The following HDAC9 variants were observed in gnomAD, a reference collection of about 807,000 sequenced individuals.
HDAC9 encodes MEF-2 interacting transcription repressor (MITR) protein.
A neutral mutation model predicts 139.4 loss-of-function variants in HDAC9; 41 were observed. The ratio of observed to expected loss-of-function variants is 0.29; its 90% confidence interval spans 0.23 to 0.38. The LOEUF is 0.38. Among genes scored for constraint, HDAC9 ranks in the 10% least tolerant of loss-of-function variants. The pLI is 1.00. For synonymous variants in HDAC9, 517 were observed against 476.2 expected (o/e 1.09, Z -1.12); for missense variants, 1,147 against 1,297.0 (o/e 0.88, Z 1.78).
chr7:18,127,552 T>A (rs1026695100), intron 1 of HDAC9, among the ~76,000 whole-genome samples: 22 of 152,138 alleles, frequency 1.4e-4, no homozygotes, highest in African/African-American at 5.3e-4. Flanking sequence ...GGGGACCTTA[T>A]TCTCTCTGGT....
rs140905418 is a variant in HDAC9, at chr7:18,641,678, G to T, written c.913-2993G>T. Among the ~76,000 whole-genome samples, 177 of 152,148 alleles carry T rather than the reference G, an allele frequency of 1.2e-3. 2 individuals carry two copies. The highest frequency in any genetic ancestry group is 4.2e-3 in the African/African-American group (174 of 41,542). On this transcript the variant is annotated intron_variant, in intron 8 of 25. Transcript: ENST00000686413. ...ATCATAGCAAAGCACTGATTTAAGGGCTGGGCCAGATTCAAAACTTCTTCT... is the reference window on the plus strand; with the variant it reads ...ATCATAGCAAAGCACTGATTTAAGGTCTGGGCCAGATTCAAAACTTCTTCT...
intron 8 of HDAC9, among the ~76,000 whole-genome samples, chr7:18,640,752 A>T (rs548196406): frequency 1.3e-5 from 2 of 152,150 alleles, no homozygotes; most frequent in South Asian, 4.1e-4. Context: ...TTACATCCAG[A>T]CACCATGTCT....
intron 1 of HDAC9, among the ~76,000 whole-genome samples, chr7:18,398,776 C>G (rs868568964): frequency 6.6e-6 from 1 of 152,050 alleles, no homozygotes; most frequent in African/African-American, 2.4e-5. Context: ...TAGCCCCAAG[C>G]AGATTTTTAT....
chr7:18,457,749 T>C (rs1031391539), intron 1 of HDAC9, among the ~76,000 whole-genome samples: 27 of 151,960 alleles, frequency 1.8e-4, no homozygotes, highest in Non-Finnish European at 2.9e-4. Context: ...ATTTTGTTGA[T>C]TAGTCAAAAG....
intron 2 of HDAC9, among the ~76,000 whole-genome samples, chr7:18,275,819 G>GT (rs1376298414): frequency 6.6e-6 from 1 of 152,036 alleles, no homozygotes; most frequent in Non-Finnish European, 1.5e-5. Flanking sequence ...TCCATGCTTC[G>GT]TTTTTGTTTA....
At chr7:18,408,845 A>T (rs565305457) in intron 1 of HDAC9, among the ~76,000 whole-genome samples, 2 of 152,214 alleles carry the variant, frequency 1.3e-5, no homozygotes, top group African/African-American at 4.8e-5. Flanking sequence ...GCTCCTTGGT[A>T]AAAAGAATGC....
At chr7:18,826,381 A>G (rs1795436005) in intron 17 of HDAC9, among the ~76,000 whole-genome samples, 1 of 143,362 alleles carries the variant, frequency 7.0e-6, no homozygotes. Context: ...TCAGCTAAGG[A>G]AAGGGGGGCA....
chr7:18,902,337 G>A lies in HDAC9; in HGVS notation c.2803+27741G>A, dbSNP rs192840594. Among the ~76,000 whole-genome samples the A allele has an allele frequency of 1.2e-4, 19 of 152,266 alleles. No homozygotes were observed. The East Asian group carries it at 1.4e-3, about 11-fold the overall frequency. On this transcript the variant is annotated intron_variant, in intron 22 of 25. Coordinates refer to ENST00000686413, the MANE Select transcript of HDAC9 (RefSeq NM_178425.4). ...GGCAAAGCCCTCTAATGTGTCCTTA[G>A]GAGAGTCATCATGGTGAGATCTGTG... is the stretch of plus-strand genomic sequence containing the variant.
chr7:18,576,669 A>T (rs188574948), intron 2 of HDAC9, among the ~76,000 whole-genome samples: 3 of 152,058 alleles, frequency 2.0e-5, no homozygotes, highest in Admixed American at 1.3e-4. Flanking sequence ...AAAAAAAAAA[A>T]AAAATCAGGA....
At chr7:18,306,667 T>G (rs1562860424) in intron 1 of HDAC9, among the ~76,000 whole-genome samples, 2 of 152,204 alleles carry the variant, frequency 1.3e-5, no homozygotes, top group African/African-American at 2.4e-5. Flanking sequence ...CCAGGCATTT[T>G]CTTGCTTACG....
intron 2 of HDAC9, among the ~76,000 whole-genome samples, chr7:18,509,040 C>G (rs1428488900): frequency 6.6e-6 from 1 of 152,192 alleles, no homozygotes; most frequent in Non-Finnish European, 1.5e-5. Flanking sequence ...GAAGGTGACA[C>G]ATCTATTTTT....
chr7:18,618,597 T>G (rs1245208021), intron 6 of HDAC9, among the ~76,000 whole-genome samples: 1 of 151,862 alleles, frequency 6.6e-6, no homozygotes, highest in Non-Finnish European at 1.5e-5. Flanking sequence ...ACGCAGTCAG[T>G]TCACATGTAG....
At chr7:18,689,756 A>G (rs1297218778) in intron 12 of HDAC9, among the ~76,000 whole-genome samples, 2 of 151,938 alleles carry the variant, frequency 1.3e-5, no homozygotes, top group Non-Finnish European at 2.9e-5. Flanking sequence ...TAAACAGGAT[A>G]TCATTGGTTT....
At chr7:18,615,988 C>G (rs184881158) in intron 6 of HDAC9, among the ~76,000 whole-genome samples, 3 of 152,142 alleles carry the variant, frequency 2.0e-5, no homozygotes, top group Admixed American at 2.0e-4. Flanking sequence ...GGAATGAATC[C>G]CTCTCCTTGT....
At chr7:18,911,079 T>TTGTTG (rs1802695713) in intron 22 of HDAC9, among the ~76,000 whole-genome samples, 1 of 151,708 alleles carries the variant, frequency 6.6e-6, no homozygotes, top group Non-Finnish European at 1.5e-5. Context: ...CTCCAGTTCT[T>TTGTTG]GGTTTCTCTT....
chr7:18,469,477 G>GA (rs1237909737), intron 1 of HDAC9, among the ~76,000 whole-genome samples: 1 of 151,800 alleles, frequency 6.6e-6, no homozygotes, highest in East Asian at 1.9e-4. Context: ...ACATTAACGA[G>GA]AAAAAAAAGC....
chr7:18,998,438 T>C lies in HDAC9; in HGVS notation c.*2376T>C, dbSNP rs1475788011. The C allele has an allele frequency of 2.0e-5, 3 of 152,100 alleles. No homozygotes were observed. The highest frequency in any genetic ancestry group is 4.4e-5 in the Non-Finnish European group (3 of 68,014). The allele number at this position is 152,100 out of a possible 1,614,324, so 9.4% of individuals were successfully genotyped here. ...TACTCCCATATGACACCATACCCAA[T>C]TGGTTGCACTTAGAGTCTTTAAAAT... is the stretch of plus-strand genomic sequence containing the variant. On this transcript the variant is annotated 3_prime_UTR_variant, in exon 26 of 26. Transcript: ENST00000686413.
At chr7:18,578,028 T>C (rs933323421) in intron 2 of HDAC9, 4 of 432,674 alleles carry the variant, frequency 9.2e-6, no homozygotes, top group Admixed American at 2.4e-5. Flanking sequence ...CCTCCATCTC[T>C]ATCTCCATCC....
chr7:18,378,340 G>A (rs949905848), intron 1 of HDAC9, among the ~76,000 whole-genome samples: 2 of 151,850 alleles, frequency 1.3e-5, no homozygotes, highest in South Asian at 2.1e-4. Flanking sequence ...GTTTATATCC[G>A]TGTATGTATT....
Sources: allele counts gnomAD v4.1 joint callset (sites outside exome capture counted in the v4.1 genomes callset), GRCh38; gene constraint gnomAD v4.1.1; transcripts MANE v1.5; gene names NCBI Gene and HGNC (gene_info 2026-07-23, HGNC 2026-07-21).